CTNNA3: variants seen among roughly 807,000 people sequenced by gnomAD.
CTNNA3 encodes the protein catenin alpha 3.
In CTNNA3, 76 loss-of-function variants were observed where a neutral mutation model predicts 95.7. That is an observed-to-expected ratio of 0.79 (90% confidence interval 0.66 to 0.96). CTNNA3 has a LOEUF of 0.96. Among genes scored for constraint, CTNNA3 ranks in the 40% least tolerant of loss-of-function variants. The pLI, the probability that CTNNA3 is intolerant of heterozygous loss-of-function variation, is 0.00. For synonymous variants in CTNNA3, 431 were observed against 374.4 expected, an observed-to-expected ratio of 1.15 and a Z score of -1.74; for missense variants, 1,191 against 1,089.8, an observed-to-expected ratio of 1.09 and a Z score of -1.31.
chr10:66,667,190 A>AT (rs10639825), intron 9 of CTNNA3, among the ~76,000 whole-genome samples: 3,754 of 150,486 alleles, frequency 0.025, 249 homozygotes, highest in East Asian at 0.17. Context: ...AAGAGTAGTA[A>AT]TTTTTTTTTT....
chr10:66,219,491 T>G (rs558838028), intron 13 of CTNNA3, among the ~76,000 whole-genome samples: 1 of 152,290 alleles, frequency 6.6e-6, no homozygotes, highest in South Asian at 2.1e-4. Context: ...TTCCGTTTTG[T>G]TCCCTCTCTC....
intron 1 of CTNNA3, among the ~76,000 whole-genome samples, chr10:67,662,936 T>C (rs534023520): frequency 1.5e-3 from 230 of 152,342 alleles, no homozygotes; most frequent in African/African-American, 4.6e-3. Flanking sequence ...GAAATATTTC[T>C]ACATTATTTC....
intron 7 of CTNNA3, among the ~76,000 whole-genome samples, chr10:66,970,762 C>A (rs1444475108): frequency 6.6e-6 from 1 of 151,968 alleles, no homozygotes; most frequent in Non-Finnish European, 1.5e-5. Context: ...CAAAAGATAA[C>A]AAATGATTGC....
chr10:66,100,901 G>A (rs1390969141), intron 14 of CTNNA3, among the ~76,000 whole-genome samples: 1 of 152,098 alleles, frequency 6.6e-6, no homozygotes. Flanking sequence ...TTTTTCAAAT[G>A]AATAAATTTG....
chr10:66,339,195 A>T (rs1470266891), intron 12 of CTNNA3, among the ~76,000 whole-genome samples: 1 of 151,928 alleles, frequency 6.6e-6, no homozygotes, highest in Non-Finnish European at 1.5e-5. Flanking sequence ...GATTATTTAA[A>T]ATTAATCTCT....
At chr10:65,981,095 T>C (rs912936002) in intron 16 of CTNNA3, among the ~76,000 whole-genome samples, 2 of 152,020 alleles carry the variant, frequency 1.3e-5, no homozygotes, top group Admixed American at 6.6e-5. Context: ...CAGAAAACCC[T>C]AAAGACTCAT....
chr10:67,188,109 G>A (rs1398004363), intron 6 of CTNNA3, among the ~76,000 whole-genome samples: 1 of 152,216 alleles, frequency 6.6e-6, no homozygotes, highest in African/African-American at 2.4e-5. Context: ...TAACTACAAT[G>A]TGGATGTGTT....
At chr10:67,562,188 A>G (rs1344139643) in intron 3 of CTNNA3, among the ~76,000 whole-genome samples, 1 of 152,208 alleles carries the variant, frequency 6.6e-6, no homozygotes, top group African/African-American at 2.4e-5. Flanking sequence ...CACAACCATA[A>G]AAGAGAATTT....
At chr10:67,253,943 G>A (rs1488908735) in intron 5 of CTNNA3, among the ~76,000 whole-genome samples, 1 of 152,078 alleles carries the variant, frequency 6.6e-6, no homozygotes, top group South Asian at 2.1e-4. Flanking sequence ...CGAAAAATAT[G>A]TACTGTGTGT....
At chr10:67,223,308 GTTTTA>G (rs1321390112) in intron 5 of CTNNA3, among the ~76,000 whole-genome samples, 2 of 152,182 alleles carry the variant, frequency 1.3e-5, no homozygotes, top group Non-Finnish European at 1.5e-5. Flanking sequence ...GTTTGTAGTT[GTTTTA>G]TTTTAACTGA....
intron 2 of CTNNA3, among the ~76,000 whole-genome samples, chr10:67,623,791 C>G (rs1050280552): frequency 6.6e-6 from 1 of 151,986 alleles, no homozygotes; most frequent in African/African-American, 2.4e-5. Flanking sequence ...GAATTTCACC[C>G]CAAAATATGG....
chr10:66,990,587 T>C (rs1850988266), intron 7 of CTNNA3, among the ~76,000 whole-genome samples: 1 of 152,148 alleles, frequency 6.6e-6, no homozygotes, highest in Non-Finnish European at 1.5e-5. Context: ...TCAAGGTAAC[T>C]GAGAAATAAA....
chr10:66,171,845 C>T (rs1370882370), intron 13 of CTNNA3, among the ~76,000 whole-genome samples: 2 of 151,952 alleles, frequency 1.3e-5, no homozygotes, highest in Non-Finnish European at 2.9e-5. Context: ...ACCATGAAAT[C>T]ATGAGGGAAC....
upstream of CTNNA3, among the ~76,000 whole-genome samples, chr10:67,699,920 T>A (rs537804798): frequency 1.9e-4 from 29 of 152,336 alleles, no homozygotes; most frequent in African/African-American, 6.5e-4. Context: ...ACTCCCACCC[T>A]AATACTGCGC....
intron 2 of CTNNA3, among the ~76,000 whole-genome samples, chr10:67,616,099 A>C (rs975015779): frequency 6.6e-6 from 1 of 152,166 alleles, no homozygotes; most frequent in African/African-American, 2.4e-5. Context: ...AGGAAACAGA[A>C]GAATAAGACA....
At chr10:66,190,634 G>A (rs764037300) in intron 13 of CTNNA3, among the ~76,000 whole-genome samples, 2 of 152,114 alleles carry the variant, frequency 1.3e-5, no homozygotes, top group Non-Finnish European at 2.9e-5. Flanking sequence ...GTTTGAATCT[G>A]TTCTGTCTTT....
intron 2 of CTNNA3, among the ~76,000 whole-genome samples, chr10:67,635,804 G>A (rs1199999355): frequency 6.6e-6 from 1 of 152,128 alleles, no homozygotes; most frequent in Admixed American, 6.6e-5. Flanking sequence ...AGTATCAAAA[G>A]TTCTGGCCAG....
At chr10:66,934,883 G>A (rs889390401) in intron 7 of CTNNA3, among the ~76,000 whole-genome samples, 2 of 152,048 alleles carry the variant, frequency 1.3e-5, no homozygotes, top group Admixed American at 6.6e-5. Flanking sequence ...CAGTAAGGAG[G>A]CAATGACTTC....
intron 5 of CTNNA3, among the ~76,000 whole-genome samples, chr10:67,344,364 G>A (rs977118667): frequency 1.3e-5 from 2 of 151,942 alleles, no homozygotes; most frequent in African/African-American, 4.8e-5. Flanking sequence ...TGGCCTCAAA[G>A]AGAGAGTTTG....
Sources: allele counts gnomAD v4.1 joint callset (sites outside exome capture counted in the v4.1 genomes callset), GRCh38; gene constraint gnomAD v4.1.1; transcripts MANE v1.5; gene names NCBI Gene and HGNC (gene_info 2026-07-23, HGNC 2026-07-21).